The following TRIM66 variants were observed in gnomAD, a reference collection of about 807,000 sequenced individuals.
The protein encoded by TRIM66 is tripartite motif-containing protein 66.
In TRIM66, 99 loss-of-function variants were observed where a neutral mutation model predicts 148.2. The ratio of observed to expected loss-of-function variants is 0.67; its 90% CI spans 0.57 to 0.79. The LOEUF (loss-of-function observed/expected upper bound fraction) is 0.79, where lower values mean the gene tolerates loss of function less well. TRIM66 is among the 30% of genes least tolerant of loss of function. The pLI is 0.00. For missense variants in TRIM66, 1,666 were observed against 1,697.9 expected (o/e 0.98, Z 0.33); for synonymous variants, 616 against 635.9 (o/e 0.97, Z 0.47).
chr11:8,615,506 C>T lies in TRIM66; in HGVS notation c.*2438G>A, dbSNP rs567605231. The T allele has an allele frequency of 1.3e-5, 2 of 151,310 alleles. No homozygotes were observed. The highest frequency in any genetic ancestry group is 4.9e-5 in the African/African-American group (2 of 41,162). The allele number at this position is 151,310 out of a possible 1,614,324, so 9.4% of individuals were successfully genotyped here. On this transcript the variant is annotated 3_prime_UTR_variant, in exon 25 of 25. Transcript: ENST00000646038. ...AATGTTAATGAAGAGCCTCTGCAGG[C>T]AGTCACTTGGCTAGTAGGATTTTTT...
At chr11:8,664,777 G>A (rs1176906478) in intron 6 of TRIM66, among the ~76,000 whole-genome samples, 6 of 152,150 alleles carry the variant, frequency 3.9e-5, no homozygotes. Context: ...TTACAAACAT[G>A]AAAGGCACCG....
rs1448476628 is a variant in TRIM66 at position 8,646,490 on chromosome 11, T to C, written c.914A>G (p.Asn305Ser). 1 of 1,552,168 alleles carries C rather than the reference T, an allele frequency of 6.4e-7. No individual in the cohort carries two copies. Among genetic ancestry groups the C allele is most frequent in the African/African-American group, 1.4e-5 (1 of 73,042 alleles). ...QIKMAKMVLMNELNKQANGLI... is the reference protein window; with the variant it reads ...QIKMAKMVLMSELNKQANGLI... ...CCCATTGGCCTGTTTGTTCAGCTCA[T>C]TCATCAGAACCATCTTGGCCATTTT... Residue 305 changes from asparagine (N) to serine (S), a missense_variant, in exon 11 of 25, where the codon AAT (asparagine) becomes AGT (serine). Physicochemically the swap from Asn to Ser is conservative, Grantham distance 46. This residue lies in a region of TRIM66 where 1,431 missense variants were observed against 1,412.4 expected (regional missense o/e 1.01). Coordinates refer to ENST00000646038, the MANE Select transcript of TRIM66 (RefSeq NM_001388022.1).
intron 4 of TRIM66, among the ~76,000 whole-genome samples, chr11:8,674,346 C>T (rs1447398122): frequency 6.6e-6 from 1 of 152,060 alleles, no homozygotes; most frequent in African/African-American, 2.4e-5. Flanking sequence ...GAATAACATA[C>T]TTTTTGGAAA....
chr11:8,621,499 C>T (rs930112700), intron 19 of TRIM66, 146 bp downstream of exon 19: 17 of 1,282,730 alleles, frequency 1.3e-5, no homozygotes, highest in Admixed American at 2.8e-5. Context: ...TCTCACAGGA[C>T]CTTGCAGCAG....
At position 8,670,016 on chromosome 11, in the gene TRIM66, TA is replaced by T. The variant is rs66520755; in HGVS notation, c.340+1769del. Among the ~76,000 whole-genome samples the T allele has an allele frequency of 7.7e-4, 110 of 142,524 alleles. 3 individuals carry two copies. Among genetic ancestry groups the T allele is most frequent in the Middle Eastern group, 3.6e-3 (1 of 276 alleles). The allele number at this position is 142,524 out of a possible 152,430, so 93.5% of individuals were successfully genotyped here. On this transcript the variant is annotated intron_variant, in intron 6 of 24. Transcript: ENST00000646038. Reference sequence around the variant, plus strand: ...TGTTTTGTCTTGTTTTGTTTTTATTTATTTTTTTTTTTTTGAGACAGAGTCT... The same window carrying T: ...TGTTTTGTCTTGTTTTGTTTTTATTTTTTTTTTTTTTTTGAGACAGAGTCT...
chr11:8,654,973 G>A (rs1049106211), intron 6 of TRIM66, among the ~76,000 whole-genome samples: 8 of 152,050 alleles, frequency 5.3e-5, no homozygotes, highest in Admixed American at 1.3e-4. Context: ...CAATTATCCC[G>A]CCTCAGCCTC....
rs1214019453 is a variant in TRIM66 at position 8,638,740 on chromosome 11, G to A, written c.2224C>T (p.Pro742Ser). The A allele has an allele frequency of 1.0e-5, 16 of 1,550,682 alleles. No homozygotes were observed. Among genetic ancestry groups the A allele is most frequent in the Non-Finnish European group, 1.3e-5 (15 of 1,146,596 alleles). Residue 742 changes from proline to serine, a missense_variant, in exon 15 of 25, where the codon CCC (proline) becomes TCC (serine). Pro to Ser is a moderately conservative substitution (Grantham distance 74). This residue lies in a region of TRIM66 where 1,431 missense variants were observed against 1,412.4 expected (regional missense o/e 1.01). Transcript: ENST00000646038. ...PLDKNTAAAL[P>S]QASGEETPLS... ...GGGGTTTCTTCCCCAGACGCCTGGGGCAAGGCAGCAGCAGTATTCTTGTCA... is the reference window on the plus strand; with the variant it reads ...GGGGTTTCTTCCCCAGACGCCTGGGACAAGGCAGCAGCAGTATTCTTGTCA...
chr11:8,683,008 A>C, upstream of TRIM66: 1 of 879,264 alleles, frequency 1.1e-6, no homozygotes, highest in Non-Finnish European at 1.8e-6. Context: ...CGCGGTTCGG[A>C]TCTCTAGGAC....
intron 24 of TRIM66, 126 bp downstream of exon 24, chr11:8,618,624 G>A: frequency 1.2e-6 from 1 of 863,444 alleles, no homozygotes; most frequent in South Asian, 1.7e-5. Context: ...GGGGCTGGAA[G>A]TGAGGGTTCG....
At chr11:8,627,619 G>A (rs1240721946) in intron 15 of TRIM66, among the ~76,000 whole-genome samples, 1 of 152,178 alleles carries the variant, frequency 6.6e-6, no homozygotes, top group African/African-American at 2.4e-5. Context: ...TGACAAAGAT[G>A]AGGCTCAGAA....
intron 12 of TRIM66, chr11:8,644,352 T>C (rs2036662504): frequency 4.6e-6 from 2 of 438,808 alleles, no homozygotes. Flanking sequence ...ATCTTTCTCT[T>C]CCACTGCACT....
At chr11:8,628,612 C>CAAAAAAAAAAAAAAAA (rs750649249) in intron 15 of TRIM66, among the ~76,000 whole-genome samples, 1 of 80,666 alleles carries the variant, frequency 1.2e-5, no homozygotes, top group Non-Finnish European at 2.6e-5. Context: ...GACCCTGTCT[C>CAAAAAAAAAAAAAAAA]AAAAAAAAAA....
intron 15 of TRIM66, among the ~76,000 whole-genome samples, chr11:8,636,996 G>C (rs1258639267): frequency 6.6e-6 from 1 of 152,068 alleles, no homozygotes; most frequent in Non-Finnish European, 1.5e-5. Flanking sequence ...AAGCTCCCTA[G>C]TTGCCATTCC....
At chr11:8,654,920 G>C (rs1359396637) in intron 6 of TRIM66, among the ~76,000 whole-genome samples, 2 of 152,080 alleles carry the variant, frequency 1.3e-5, no homozygotes, top group Non-Finnish European at 2.9e-5. Flanking sequence ...GACTGCAGCG[G>C]CACAATCTCG....
At chr11:8,649,718 C>A (rs1198959804) in intron 8 of TRIM66, 22 bp downstream of exon 8, 2 of 1,549,860 alleles carry the variant, frequency 1.3e-6, no homozygotes, top group African/African-American at 2.7e-5. Flanking sequence ...TGGGAGTGGG[C>A]AGGGAGAGGT....
chr11:8,668,730 C>T (rs914228415), intron 6 of TRIM66, among the ~76,000 whole-genome samples: 4 of 152,038 alleles, frequency 2.6e-5, no homozygotes, highest in Admixed American at 1.3e-4. Flanking sequence ...GGATTACAGG[C>T]GCACGCTGCC....
chr11:8,678,524 C>T (rs768088872), intron 3 of TRIM66, among the ~76,000 whole-genome samples: 2 of 152,122 alleles, frequency 1.3e-5, no homozygotes, highest in East Asian at 1.9e-4. Context: ...ATTTGAGTTG[C>T]TTATACTTAT....
chr11:8,682,752 C>T, upstream of TRIM66: 1 of 1,611,168 alleles, frequency 6.2e-7, no homozygotes, highest in Non-Finnish European at 8.5e-7. Flanking sequence ...TTTGCCCCGC[C>T]CCCGTGGCCG....
Position 8,643,054 on chromosome 11 carries a change from A to ATCTGATAC in TRIM66, c.1169_1176dup (p.Phe393ValfsTer15). Reference sequence around the variant, plus strand: ...GTCCAGAAGTTAGGCTCCCAGGTGAATCTGATACTCCAAGGGGAGCCAGGA... The same window carrying ATCTGATAC: ...GTCCAGAAGTTAGGCTCCCAGGTGAATCTGATACTCTGATACTCCAAGGGGAGCCAGGA... On this transcript the variant is annotated frameshift_variant, in exon 13 of 25. Transcript: ENST00000646038. LOFTEE classifies it high-confidence loss of function. 1 of 1,551,420 alleles carries ATCTGATAC rather than the reference A, an allele frequency of 6.4e-7. No individual in the cohort carries two copies. Among genetic ancestry groups the ATCTGATAC allele is most frequent in the South Asian group, 1.2e-5 (1 of 84,000 alleles).
Sources: gnomAD v4.1 joint callset for allele counts (sites outside exome capture counted in the v4.1 genomes callset) on GRCh38, gnomAD v4.1.1 for gene constraint, gnomAD v4.1.1 regional missense constraint, MANE v1.5 for transcripts, NCBI Gene and HGNC (gene_info 2026-07-23, HGNC 2026-07-21) for gene names.